The following FITM2 variants were observed in gnomAD, a reference collection of about 807,000 sequenced individuals.
FITM2 encodes acyl-coenzyme A diphosphatase FITM2.
Under a neutral mutation model 23.3 loss-of-function variants are expected in FITM2, and 16 were observed. The observed-to-expected ratio is 0.69, with a 90% CI of 0.47 to 1.05. FITM2 has a LOEUF of 1.05. Ranked by LOEUF, FITM2 falls within the 50% of genes least tolerant of loss-of-function variation. The pLI is 0.00. For missense variants in FITM2, 273 were observed against 327.5 expected (o/e 0.83, Z 1.29); for synonymous variants, 132 against 142.0 (o/e 0.93, Z 0.50).
At chr20:44,309,177 T>TTTTA (rs1440874682) in intron 1 of FITM2, among the ~76,000 whole-genome samples, 1 of 151,692 alleles carries the variant, frequency 6.6e-6, no homozygotes, top group Non-Finnish European at 1.5e-5. Flanking sequence ...GTATTTTTAT[T>TTTTA]TTTATTTATT....
chr20:44,307,770 T>C (rs1255712185), intron 1 of FITM2, among the ~76,000 whole-genome samples: 11 of 151,632 alleles, frequency 7.3e-5, no homozygotes, highest in Non-Finnish European at 2.9e-5. Context: ...ACTTTAAATG[T>C]ATTAACCAGG....
Position 44,306,467 on chromosome 20 carries a change from G to T in FITM2, c.*158C>A. 1 of 940,050 alleles carries T rather than the reference G, an allele frequency of 1.1e-6. No homozygotes were observed. The allele number at this position is 940,050 out of a possible 1,614,324, so 58.2% of individuals were successfully genotyped here. A position where few individuals can be genotyped will look rare whatever the true frequency, so the allele number is the denominator to read the frequency against. On this transcript the variant is annotated 3_prime_UTR_variant, in exon 2 of 2. Transcript: ENST00000396825. The stretch of plus-strand genomic sequence containing the variant: ...GTGATGTCGCCAAGAATAGTCTGAA[G>T]ACTAAACTCACTCCCCAGACTTCAG...
Position 44,310,942 on chromosome 20 carries a change from G to C in FITM2, c.173+34C>G, listed in dbSNP as rs571358142. The C allele has an allele frequency of 5.8e-4, 877 of 1,512,032 alleles. 14 individuals carry two copies. The South Asian group carries it at 0.011, about 18-fold the overall frequency. 93.7% of individuals were successfully genotyped at this position (1,512,032 alleles called of 1,614,324 possible). A position where few individuals can be genotyped will look rare whatever the true frequency, so the allele number is the denominator to read the frequency against. ...GGGCGAGGCGACAGCGGGCCGGCTC[G>C]GGCGGGGACAGCGGAGGACCGGGGT... On this transcript the variant is annotated intron_variant, in intron 1 of 1. Coordinates refer to ENST00000396825, the MANE Select transcript of FITM2 (RefSeq NM_001080472.4).
At position 44,306,486 on chromosome 20, in the gene FITM2, A is replaced by G; in HGVS notation, c.*139T>C. 6 of 1,160,010 alleles carry G rather than the reference A, an allele frequency of 5.2e-6. No homozygotes were observed. The highest frequency in any genetic ancestry group is 7.2e-6 in the Non-Finnish European group (6 of 837,336). The allele number at this position is 1,160,010 out of a possible 1,614,324, so 71.9% of individuals were successfully genotyped here. The stretch of plus-strand genomic sequence containing the variant: ...TCTGAAGACTAAACTCACTCCCCAG[A>G]CTTCAGCACCACCCACCAAAACTGC... On this transcript the variant is annotated 3_prime_UTR_variant, in exon 2 of 2. Coordinates refer to ENST00000396825, the MANE Select transcript of FITM2 (RefSeq NM_001080472.4).
intron 1 of FITM2, among the ~76,000 whole-genome samples, chr20:44,308,516 AC>A (rs1308658826): frequency 2.0e-5 from 3 of 151,904 alleles, no homozygotes; most frequent in Non-Finnish European, 1.5e-5. Flanking sequence ...TTTCTCCCAT[AC>A]CATATGTGGT....
At chr20:44,307,655 G>C (rs987746519) in intron 1 of FITM2, among the ~76,000 whole-genome samples, 5 of 151,806 alleles carry the variant, frequency 3.3e-5, no homozygotes, top group Admixed American at 2.0e-4. Flanking sequence ...CGAACTCCTG[G>C]CCTCAAATGC....
chr20:44,310,019 T>C (rs1271579098), intron 1 of FITM2, among the ~76,000 whole-genome samples: 1 of 152,192 alleles, frequency 6.6e-6, no homozygotes, highest in Admixed American at 6.5e-5. Context: ...CCCCCAGGCC[T>C]GTCACTAAAA....
chr20:44,310,929 A>G (rs1389108201), intron 1 of FITM2, 47 bp downstream of exon 1: 1 of 1,503,240 alleles, frequency 6.7e-7, no homozygotes, highest in Non-Finnish European at 8.9e-7. Context: ...GCGAGGCGAC[A>G]GCGGGCCGGC....
chr20:44,306,488 T>A lies in FITM2; in HGVS notation c.*137A>T. The A allele has an allele frequency of 1.6e-6, 2 of 1,218,602 alleles. No homozygotes were observed. The highest frequency in any genetic ancestry group is 2.3e-6 in the Non-Finnish European group (2 of 887,844). 75.5% of individuals were successfully genotyped at this position (1,218,602 alleles called of 1,614,324 possible). On this transcript the variant is annotated 3_prime_UTR_variant, in exon 2 of 2. Transcript: ENST00000396825. ...TGAAGACTAAACTCACTCCCCAGAC[T>A]TCAGCACCACCCACCAAAACTGCCT...
Position 44,306,530 on chromosome 20 carries a change from G to C in FITM2, c.*95C>G, listed in dbSNP as rs1287956764. The C allele has an allele frequency of 6.6e-7, 1 of 1,513,708 alleles. No individual in the cohort carries two copies. The highest frequency in any genetic ancestry group is 8.9e-7 in the Non-Finnish European group (1 of 1,129,886). 93.8% of individuals were successfully genotyped at this position (1,513,708 alleles called of 1,614,324 possible). On this transcript the variant is annotated 3_prime_UTR_variant, in exon 2 of 2. Coordinates refer to ENST00000396825, the MANE Select transcript of FITM2 (RefSeq NM_001080472.4). ...AAACTGCCTGGTACACTTTCCCTCT[G>C]AAGTAGGATCAATAATTTAGCCAAA...
chr20:44,309,175 A>ATTTTTG, intron 1 of FITM2, among the ~76,000 whole-genome samples: 1 of 150,848 alleles, frequency 6.6e-6, no homozygotes. Context: ...TTGTATTTTT[A>ATTTTTG]TTTTTATTTA....
In FITM2 at chr20:44,307,201, G is replaced by A. The variant is rs1050436382; in HGVS notation, c.213C>T (p.Leu71=). Residue 71 remains leucine (L), a synonymous_variant, in exon 2 of 2, where the codon CTC becomes CTT. Transcript: ENST00000396825. ...VKVAWAWTFC[L]LLPFIALTNY... is the part of the protein sequence containing the mutation. ...TGGTGAGGGCAATGAAAGGCAGAAG[G>A]AGACAGAACGTCCAGGCCCAGGCCA... 1 of 1,614,088 alleles carries A rather than the reference G, an allele frequency of 6.2e-7. No homozygotes were observed. Among genetic ancestry groups the A allele is most frequent in the Non-Finnish European group, 8.5e-7 (1 of 1,180,052 alleles).
chr20:44,307,956 G>A lies in FITM2; in HGVS notation c.174-716C>T, dbSNP rs947997953. Reference sequence around the variant, plus strand: ...CAAAAAATTAGCCAGGCGTGGTGGCGGGCGCCTGTAGTCCCAACTACTCGG... The same window carrying A: ...CAAAAAATTAGCCAGGCGTGGTGGCAGGCGCCTGTAGTCCCAACTACTCGG... On this transcript the variant is annotated intron_variant, in intron 1 of 1. Transcript: ENST00000396825. 1.4e-3 allele frequency among the ~76,000 whole-genome samples: 210 copies of A among 152,074 alleles called. 1 individual carries two copies. Among genetic ancestry groups the A allele is most frequent in the African/African-American group, 4.7e-3 (194 of 41,536 alleles).
At chr20:44,307,929 T>C (rs1336509117) in intron 1 of FITM2, among the ~76,000 whole-genome samples, 1 of 151,602 alleles carries the variant, frequency 6.6e-6, no homozygotes, top group Non-Finnish European at 1.5e-5. Context: ...CTACCAAAAA[T>C]ACAAAAAATT....
At chr20:44,309,106 T>C (rs920892762) in intron 1 of FITM2, among the ~76,000 whole-genome samples, 1 of 152,110 alleles carries the variant, frequency 6.6e-6, no homozygotes, top group African/African-American at 2.4e-5. Context: ...GCAATTCTCC[T>C]GCCTCAGCCT....
Position 44,306,596 on chromosome 20 carries a change from T to G in FITM2, c.*29A>C, listed in dbSNP as rs1208749425. 6.2e-7 allele frequency: 1 copy of G among 1,600,646 alleles called. No individual in the cohort carries two copies. The highest frequency in any genetic ancestry group is 1.3e-5 in the African/African-American group (1 of 74,240). The stretch of plus-strand genomic sequence containing the variant: ...TATATTTGAAAAATAGATTAGCCAT[T>G]GTCCTTCTGTCCCCCCTCTGTTACT... On this transcript the variant is annotated 3_prime_UTR_variant, in exon 2 of 2. Coordinates refer to ENST00000396825, the MANE Select transcript of FITM2 (RefSeq NM_001080472.4).
chr20:44,310,888 C>A, intron 1 of FITM2, 88 bp downstream of exon 1: 6 of 1,461,148 alleles, frequency 4.1e-6, no homozygotes, highest in Non-Finnish European at 5.5e-6. Flanking sequence ...AATGACTCGT[C>A]CACCACGGCA....
Position 44,307,127 on chromosome 20 carries a change from G to T in FITM2, c.287C>A (p.Thr96Asn), listed in dbSNP as rs754504600. ...CCAGATGGCCGTGCCCACAAGCAGG[G>T]TGCTCAGCCGCCGCAGGACCAAGCC... ...KAGLVLRRLS[T>N]LLVGTAIWYI... The change falls in exon 2 of 2, where the codon ACC becomes AAC. Residue 96 changes from threonine (T) to asparagine (N), a missense_variant. Thr to Asn is a moderately conservative substitution (Grantham distance 65). This residue lies in a region of FITM2 where 117 missense variants were observed against 183.3 expected (regional missense o/e 0.64). Coordinates refer to ENST00000396825, the MANE Select transcript of FITM2 (RefSeq NM_001080472.4). The T allele has an allele frequency of 2.5e-6, 4 of 1,614,096 alleles. No individual in the cohort carries two copies. Among genetic ancestry groups the T allele is most frequent in the Non-Finnish European group, 2.5e-6 (3 of 1,180,036 alleles).
rs1039511109 is a variant in FITM2, at chr20:44,305,469, T to C, written c.*1156A>G. ...TCAGTTGCAATATTTAAACACTTCATGGATGAAACAAATATTACAACCAGA... is the reference window on the plus strand; with the variant it reads ...TCAGTTGCAATATTTAAACACTTCACGGATGAAACAAATATTACAACCAGA... On this transcript the variant is annotated 3_prime_UTR_variant, in exon 2 of 2. Coordinates refer to ENST00000396825, the MANE Select transcript of FITM2 (RefSeq NM_001080472.4). The C allele has an allele frequency of 1.3e-5, 2 of 152,186 alleles. No individual in the cohort carries two copies. Among genetic ancestry groups the C allele is most frequent in the African/African-American group, 2.4e-5 (1 of 41,458 alleles). The allele number at this position is 152,186 out of a possible 1,614,324, so 9.4% of individuals were successfully genotyped here.
Sources: gnomAD v4.1 joint callset for allele counts (sites outside exome capture counted in the v4.1 genomes callset) on GRCh38, gnomAD v4.1.1 for gene constraint, gnomAD v4.1.1 regional missense constraint, MANE v1.5 for transcripts, NCBI Gene and HGNC (gene_info 2026-07-23, HGNC 2026-07-21) for gene names.